KLRG1: variants seen among roughly 807,000 people sequenced by gnomAD.
KLRG1 encodes killer cell lectin like receptor G1, also known as killer cell lectin-like receptor subfamily G member 1.
Under a neutral mutation model 21.8 loss-of-function variants are expected in KLRG1, and 16 were observed. That is an observed-to-expected ratio of 0.73 (90% CI 0.50 to 1.11). KLRG1 has a LOEUF of 1.11. KLRG1 is among the 50% of genes most tolerant of loss of function. KLRG1 has a pLI of 0.00. For missense variants in KLRG1, 173 were observed against 218.3 expected (o/e 0.79, Z 1.31); for synonymous variants, 69 against 75.9 (o/e 0.91, Z 0.47).
the KLRG1 span, among the ~76,000 whole-genome samples, chr12:9,146,775 T>G: frequency 3.5e-4 from 53 of 152,132 alleles, no homozygotes; most frequent in Non-Finnish European, 8.8e-5. Flanking sequence ...GGAGTTATAG[T>G]GTTCACCACT....
At chr12:9,141,178 A>G in the KLRG1 span, among the ~76,000 whole-genome samples, 1 of 152,204 alleles carries the variant, frequency 6.6e-6, no homozygotes, top group Admixed American at 6.5e-5. Context: ...GATAACGTAC[A>G]CTAAGATATA....
chr12:9,028,149 C>CCT, the KLRG1 span: 1 of 485,010 alleles, frequency 2.1e-6, no homozygotes, highest in Non-Finnish European at 3.6e-6. Context: ...TCGTCTTCTT[C>CCT]TTTTTTTTTT....
intron 1 of KLRG1, among the ~76,000 whole-genome samples, chr12:8,955,651 C>T (rs759233854): frequency 2.6e-5 from 4 of 151,796 alleles, no homozygotes; most frequent in Non-Finnish European, 4.4e-5. Flanking sequence ...CTCAGCCTCC[C>T]GAAGTGCTGA....
chr12:8,995,199 T>G lies in KLRG1; in HGVS notation c.268T>G (p.Ser90Ala). ...MKYGNHCYYF[S>A]VEEKDWNSSL... The stretch of plus-strand genomic sequence containing the variant: ...ATATGGTAACCATTGTTATTATTTC[T>G]CAGTGGAGGAAAAGGACTGGAATTC... Residue 90 changes from serine (S) to alanine (A), a missense_variant, in exon 3 of 5, where the codon TCA becomes GCA. Around this residue, in one of 3 missense-constraint regions of KLRG1, gnomAD observed 144 missense variants for 161.5 expected, o/e 0.89. Coordinates refer to ENST00000356986, the MANE Select transcript of KLRG1 (RefSeq NM_005810.4). 1 of 1,613,880 alleles carries G rather than the reference T, an allele frequency of 6.2e-7. No homozygotes were observed. The highest frequency in any genetic ancestry group is 8.5e-7 in the Non-Finnish European group (1 of 1,179,824).
chr12:9,045,686 G>T, the KLRG1 span, among the ~76,000 whole-genome samples: 1 of 152,108 alleles, frequency 6.6e-6, no homozygotes, highest in African/African-American at 2.4e-5. Flanking sequence ...GAAAGAGAAA[G>T]AAAGAAATGC....
At chr12:9,110,433 G>A in the KLRG1 span, 4 of 645,218 alleles carry the variant, frequency 6.2e-6, no homozygotes, top group Non-Finnish European at 1.0e-5. Flanking sequence ...ATAACAGGGT[G>A]AGTATAGTAA....
At chr12:9,127,235 G>C in the KLRG1 span, among the ~76,000 whole-genome samples, 3 of 152,130 alleles carry the variant, frequency 2.0e-5, no homozygotes, top group African/African-American at 7.2e-5. Flanking sequence ...GCCAGGGAAC[G>C]GCCTTTGGTA....
At chr12:9,104,346 T>G in the KLRG1 span, 2 of 1,607,244 alleles carry the variant, frequency 1.2e-6, no homozygotes, top group South Asian at 1.1e-5. Context: ...TCATTTCCTC[T>G]GATGAATATG....
At position 9,009,624 on chromosome 12, in the gene KLRG1, G is replaced by A; in HGVS notation, c.*87G>A. The stretch of plus-strand genomic sequence containing the variant: ...CCACTGGCTGTTGGGAAAGCCATGA[G>A]TATATAGTTAGCAAATACTGAACTT... On this transcript the variant is annotated 3_prime_UTR_variant, in exon 5 of 5. Coordinates refer to ENST00000356986, the MANE Select transcript of KLRG1 (RefSeq NM_005810.4). 2 of 1,533,910 alleles carry A rather than the reference G, an allele frequency of 1.3e-6. No homozygotes were observed. The highest frequency in any genetic ancestry group is 1.7e-6 in the Non-Finnish European group (2 of 1,144,626).
the KLRG1 span, chr12:9,052,948 C>A: frequency 2.5e-6 from 1 of 397,876 alleles, no homozygotes; most frequent in Non-Finnish European, 4.8e-6. Flanking sequence ...TTTTTTTAAT[C>A]TCCTTAGAAA....
chr12:9,192,704 A>G, the KLRG1 span: 1 of 1,613,456 alleles, frequency 6.2e-7, no homozygotes, highest in East Asian at 2.2e-5. Context: ...CTACCCATGA[A>G]TAGTGAAAAC....
At chr12:9,019,446 A>T in the KLRG1 span, among the ~76,000 whole-genome samples, 1 of 152,356 alleles carries the variant, frequency 6.6e-6, no homozygotes, top group South Asian at 2.1e-4. Context: ...TGAAATCAGT[A>T]TATTAAAGAG....
the KLRG1 span, chr12:9,052,760 C>T: frequency 2.4e-6 from 1 of 424,292 alleles, no homozygotes; most frequent in Non-Finnish European, 4.6e-6. Context: ...CTGAACTTCT[C>T]CAAACTTCTG....
chr12:9,022,913 G>C, the KLRG1 span, among the ~76,000 whole-genome samples: 1 of 152,200 alleles, frequency 6.6e-6, no homozygotes, highest in Non-Finnish European at 1.5e-5. Context: ...TGCAGGTGGT[G>C]CACCTGTGTG....
the KLRG1 span, chr12:9,064,703 CAG>C: frequency 6.5e-6 from 1 of 154,236 alleles, no homozygotes; most frequent in Non-Finnish European, 1.5e-5. This position sits in a 1 kb window ranked among gnomAD's most constrained non-coding sequence, Gnocchi z 4.0. Flanking sequence ...GAGGGGCAGG[CAG>C]AGAGGGGCCC....
At chr12:9,169,031 T>C in the KLRG1 span, 2 of 1,293,450 alleles carry the variant, frequency 1.5e-6, no homozygotes, top group East Asian at 4.6e-5. Context: ...ATATAAAACA[T>C]ATTATCCTTA....
chr12:8,982,066 A>T (rs1946763220), intron 1 of KLRG1, among the ~76,000 whole-genome samples: 1 of 152,186 alleles, frequency 6.6e-6, no homozygotes, highest in African/African-American at 2.4e-5. Flanking sequence ...CCCACCTCAA[A>T]TATGTTAACA....
At chr12:9,149,479 C>G in the KLRG1 span, 1 of 1,377,800 alleles carries the variant, frequency 7.3e-7, no homozygotes, top group Non-Finnish European at 1.0e-6. Context: ...TAGGAAAAGC[C>G]TTGTAGAGAA....
chr12:9,078,376 C>A, the KLRG1 span, among the ~76,000 whole-genome samples: 1 of 152,160 alleles, frequency 6.6e-6, no homozygotes, highest in Non-Finnish European at 1.5e-5. Flanking sequence ...GATTTCATTT[C>A]TTTTTATTGC....
Sources: gnomAD v4.1 joint callset for allele counts (sites outside exome capture counted in the v4.1 genomes callset) on GRCh38, gnomAD v4.1.1 for gene constraint, gnomAD v4.1.1 regional missense constraint, Gnocchi (gnomAD v3.1) non-coding constraint, MANE v1.5 for transcripts, NCBI Gene and HGNC (gene_info 2026-07-23, HGNC 2026-07-21) for gene names.